The following SCN11A variants were observed in gnomAD, a reference collection of about 807,000 sequenced individuals.
SCN11A encodes sodium channel protein type 11 subunit alpha.
Under a neutral mutation model 162.2 loss-of-function variants are expected in SCN11A, and 122 were observed. The ratio of observed to expected loss-of-function variants is 0.75; its 90% CI spans 0.65 to 0.87. The LOEUF (loss-of-function observed/expected upper bound fraction) is 0.87, where lower values mean the gene tolerates loss of function less well. Among genes scored for constraint, SCN11A ranks in the 40% least tolerant of loss-of-function variants. SCN11A has a pLI of 0.00. For synonymous variants in SCN11A, 758 were observed against 751.5 expected, an observed-to-expected ratio of 1.01 and a Z score of -0.14; for missense variants, 2,015 against 2,181.6, an observed-to-expected ratio of 0.92 and a Z score of 1.52.
intron 2 of SCN11A, among the ~76,000 whole-genome samples, chr3:38,962,627 G>T (rs986979426): frequency 6.6e-6 from 1 of 151,980 alleles, no homozygotes; most frequent in Non-Finnish European, 1.5e-5. Context: ...GAGGCTGATG[G>T]ATCACCTGAA....
At chr3:38,981,838 T>C (rs991083149) in intron 2 of SCN11A, among the ~76,000 whole-genome samples, 2 of 151,860 alleles carry the variant, frequency 1.3e-5, no homozygotes, top group African/African-American at 4.8e-5. Flanking sequence ...AATCCTGTTC[T>C]ATTAAAAATA....
chr3:38,863,178 C>T lies in SCN11A; in HGVS notation c.4056+17G>A, dbSNP rs759435690. On this transcript the variant is annotated intron_variant, in intron 28 of 29. Coordinates refer to ENST00000302328, the MANE Select transcript of SCN11A (RefSeq NM_001349253.2). Reference sequence around the variant, plus strand: ...CTCAACTGTTCTACATATTTACAGTCATTCAATTGCTCTCACCAGAGGCCG... The same window carrying T: ...CTCAACTGTTCTACATATTTACAGTTATTCAATTGCTCTCACCAGAGGCCG... 31 of 1,354,456 alleles carry T rather than the reference C, an allele frequency of 2.3e-5. No homozygotes were observed. Among genetic ancestry groups the T allele is most frequent in the Admixed American group, 5.1e-5 (3 of 59,276 alleles). 83.9% of individuals were successfully genotyped at this position (1,354,456 alleles called of 1,614,324 possible). A position where few individuals can be genotyped will look rare whatever the true frequency, so the allele number is the denominator to read the frequency against.
At chr3:38,888,011 A>T (rs1481570755) in intron 19 of SCN11A, among the ~76,000 whole-genome samples, 4 of 152,264 alleles carry the variant, frequency 2.6e-5, no homozygotes, top group Non-Finnish European at 5.9e-5. Context: ...AATATAAAGT[A>T]GTAAGAATTT....
chr3:38,858,071 A>G (rs2064900263), intron 28 of SCN11A, among the ~76,000 whole-genome samples: 1 of 152,176 alleles, frequency 6.6e-6, no homozygotes, highest in Non-Finnish European at 1.5e-5. Flanking sequence ...ACCTCCTTAA[A>G]GCATAATTCT....
intron 13 of SCN11A, among the ~76,000 whole-genome samples, 155 bp from the exon 14 acceptor site, chr3:38,908,277 T>C (rs1482159723): frequency 6.6e-6 from 1 of 152,234 alleles, no homozygotes; most frequent in South Asian, 2.1e-4. Context: ...AGCTCTGTTA[T>C]TTATCTGGGG....
chr3:38,870,461 G>A (rs534098892), intron 26 of SCN11A, among the ~76,000 whole-genome samples: 7 of 152,310 alleles, frequency 4.6e-5, no homozygotes, highest in African/African-American at 1.7e-4. Context: ...TGGCCACCAT[G>A]GAGAAAGAAG....
intron 2 of SCN11A, among the ~76,000 whole-genome samples, chr3:38,992,029 G>A (rs1445791589): frequency 1.3e-5 from 2 of 151,956 alleles, no homozygotes; most frequent in African/African-American, 4.8e-5. Context: ...GGCTGGTCTC[G>A]AACTCCTGAC....
chr3:39,043,505 G>C (rs934366854), intron 1 of SCN11A, among the ~76,000 whole-genome samples: 1 of 137,136 alleles, frequency 7.3e-6, no homozygotes, highest in South Asian at 2.2e-4. Context: ...AAAAAACCCA[G>C]AATCCTGTCA....
chr3:38,990,496 T>C (rs2125594041), intron 2 of SCN11A, among the ~76,000 whole-genome samples: 1 of 152,264 alleles, frequency 6.6e-6, no homozygotes, highest in South Asian at 2.1e-4. Flanking sequence ...GGTGCCAATT[T>C]AGATGGCATA....
Position 38,899,704 on chromosome 3 carries a change from A to G in SCN11A, c.2022+190T>C, listed in dbSNP as rs73068514. ...GAATGGGCTAAGGGTATAAGGGTTC[A>G]GTTAAGCGAAGTCCCCCCAGGGACT... On this transcript the variant is annotated intron_variant, in intron 17 of 29. Coordinates refer to ENST00000302328, the MANE Select transcript of SCN11A (RefSeq NM_001349253.2). 0.14 allele frequency among the ~76,000 whole-genome samples: 20,855 copies of G among 152,148 alleles called. 1,655 individuals carry two copies. Among genetic ancestry groups the G allele is most frequent in the East Asian group, 0.24 (1,226 of 5,162 alleles).
chr3:39,014,251 C>T (rs1317069711), intron 2 of SCN11A, among the ~76,000 whole-genome samples: 1 of 152,160 alleles, frequency 6.6e-6, no homozygotes, highest in Non-Finnish European at 1.5e-5. Flanking sequence ...CTTCTCAGTC[C>T]TCATTGAGTA....
At position 38,969,923 on chromosome 3, in the gene SCN11A, G is replaced by A. The variant is rs1473385741; in HGVS notation, c.-279-9500C>T. On this transcript the variant is annotated intron_variant, in intron 2 of 29. Transcript: ENST00000302328. ...CCCAATCTACCTCCCACATAAGGTG[G>A]CCCAATCAAAGCCTCCAGGCTTGCC... Among the ~76,000 whole-genome samples, 4 of 152,100 alleles carry A rather than the reference G, an allele frequency of 2.6e-5. 1 individual carries two copies. Among genetic ancestry groups the A allele is most frequent in the South Asian group, 4.1e-4 (2 of 4,834 alleles).
At chr3:38,980,163 TGGA>T (rs1039837195) in intron 2 of SCN11A, among the ~76,000 whole-genome samples, 1 of 151,972 alleles carries the variant, frequency 6.6e-6, no homozygotes, top group African/African-American at 2.4e-5. Context: ...TCGTAAATGC[TGGA>T]GGAGGCATCA....
chr3:39,016,776 T>A (rs934045549), intron 2 of SCN11A, among the ~76,000 whole-genome samples: 1 of 152,044 alleles, frequency 6.6e-6, no homozygotes, highest in Admixed American at 6.6e-5. Flanking sequence ...CTAATTTTTG[T>A]ATTTTTGGTA....
intron 2 of SCN11A, among the ~76,000 whole-genome samples, chr3:38,993,796 C>T (rs1276317497): frequency 6.6e-6 from 1 of 152,222 alleles, no homozygotes; most frequent in Non-Finnish European, 1.5e-5. Context: ...TGTCTTCCAA[C>T]CCCTCAAGTG....
chr3:39,031,543 A>AC (rs1491439726), intron 2 of SCN11A, among the ~76,000 whole-genome samples: 6 of 139,978 alleles, frequency 4.3e-5, no homozygotes, highest in African/African-American at 1.5e-4. Flanking sequence ...ACAAACAAAC[A>AC]AAAAAAAAAC....
intron 4 of SCN11A, 168 bp from the exon 5 acceptor site, chr3:38,950,537 G>C (rs1461390268): frequency 4.6e-6 from 3 of 650,382 alleles, no homozygotes; most frequent in Non-Finnish European, 7.9e-6. Flanking sequence ...CAGAAGAGAT[G>C]ACCACCACTG....
chr3:38,966,380 A>G (rs2066782644), intron 2 of SCN11A, among the ~76,000 whole-genome samples: 1 of 152,202 alleles, frequency 6.6e-6, no homozygotes, highest in Admixed American at 6.5e-5. Context: ...TTCATTACAA[A>G]ACAAATAAAT....
intron 3 of SCN11A, among the ~76,000 whole-genome samples, chr3:38,957,719 G>C (rs1019264580): frequency 3.3e-5 from 5 of 152,222 alleles, no homozygotes; most frequent in Non-Finnish European, 5.9e-5. Flanking sequence ...ACCTAGGAGA[G>C]AGGACTAAGG....
Sources: allele counts gnomAD v4.1 joint callset (sites outside exome capture counted in the v4.1 genomes callset), GRCh38; gene constraint gnomAD v4.1.1; transcripts MANE v1.5; gene names NCBI Gene and HGNC (gene_info 2026-07-23, HGNC 2026-07-21).